SH3RF1: variants seen among roughly 807,000 people sequenced by gnomAD.
The protein encoded by SH3RF1 is SH3 domain containing ring finger 1, also known as E3 ubiquitin-protein ligase SH3RF1.
A neutral mutation model predicts 74.0 loss-of-function variants in SH3RF1; 32 were observed. That is an observed-to-expected ratio of 0.43 (90% CI 0.33 to 0.58). SH3RF1 has a LOEUF of 0.58. Ranked by LOEUF, SH3RF1 falls within the 20% of genes least tolerant of loss-of-function variation. SH3RF1 has a pLI of 0.05. For missense variants in SH3RF1, 954 were observed against 1,130.9 expected (o/e 0.84, Z 2.24); for synonymous variants, 396 against 439.6 (o/e 0.90, Z 1.24).
At chr4:169,147,927 T>A (rs182471299) in intron 4 of SH3RF1, among the ~76,000 whole-genome samples, 3 of 152,202 alleles carry the variant, frequency 2.0e-5, no homozygotes, top group Admixed American at 6.5e-5. Context: ...AAATTTAGTG[T>A]GTATATAGCA....
chr4:169,115,311 G>A (rs1157190804), intron 10 of SH3RF1, among the ~76,000 whole-genome samples: 2 of 152,230 alleles, frequency 1.3e-5, no homozygotes, highest in African/African-American at 2.4e-5. Context: ...CCGCACAGCA[G>A]GAGGTGAGCT....
chr4:169,246,778 T>A (rs1199964341), intron 2 of SH3RF1, among the ~76,000 whole-genome samples: 2 of 152,246 alleles, frequency 1.3e-5, no homozygotes, highest in Non-Finnish European at 2.9e-5. Flanking sequence ...TCTGATCCAC[T>A]AATGTAAGTC....
intron 2 of SH3RF1, among the ~76,000 whole-genome samples, chr4:169,157,292 C>T (rs1296359393): frequency 6.6e-6 from 1 of 152,216 alleles, no homozygotes. Context: ...TGAACAGTCA[C>T]AGTACCTGCC....
chr4:169,099,480 A>G (rs1351624947), intron 11 of SH3RF1, among the ~76,000 whole-genome samples: 1 of 152,258 alleles, frequency 6.6e-6, no homozygotes, highest in Non-Finnish European at 1.5e-5. Flanking sequence ...TAATGTCAAC[A>G]TGCTAAAAAT....
chr4:169,269,712 T>C (rs1731413238), intron 1 of SH3RF1: 1 of 152,990 alleles, frequency 6.5e-6, no homozygotes. Flanking sequence ...AAATTTACTT[T>C]TATATCCAAC....
intron 4 of SH3RF1, among the ~76,000 whole-genome samples, chr4:169,144,921 G>T (rs975104613): frequency 6.6e-6 from 1 of 152,106 alleles, no homozygotes; most frequent in African/African-American, 2.4e-5. Context: ...AATAGTAGGG[G>T]TAAGAGGAAA....
chr4:169,136,205 T>C (rs1733696451), intron 5 of SH3RF1, 113 bp downstream of exon 5: 1 of 1,154,686 alleles, frequency 8.7e-7, no homozygotes, highest in Non-Finnish European at 1.1e-6. Context: ...GAAAAGTTAC[T>C]ATCTTCAGAA....
At chr4:169,239,991 T>A (rs1023202936) in intron 2 of SH3RF1, among the ~76,000 whole-genome samples, 2 of 152,058 alleles carry the variant, frequency 1.3e-5, no homozygotes, top group African/African-American at 4.8e-5. Flanking sequence ...GCCACTTTAC[T>A]CCAGCCTGGG....
rs1218253492 is a variant in SH3RF1 at position 169,155,633 on chromosome 4, T to C, written c.670-58A>G. The C allele has an allele frequency of 3.9e-6, 5 of 1,279,854 alleles. No homozygotes were observed. The Admixed American group carries it at 9.1e-5, about 23-fold the overall frequency. 79.3% of individuals were successfully genotyped at this position (1,279,854 alleles called of 1,614,324 possible). ...TCATTAAGCTGTACCATTAAGCTTG[T>C]CATTTAATTTTCCTTTTCAATAAAG... On this transcript the variant is annotated intron_variant, in intron 3 of 11. Transcript: ENST00000284637.
At chr4:169,135,600 C>G (rs1579100134) in intron 5 of SH3RF1, among the ~76,000 whole-genome samples, 2 of 152,160 alleles carry the variant, frequency 1.3e-5, no homozygotes, top group African/African-American at 2.4e-5. Context: ...AAGCCTAACA[C>G]AGCAAATTGC....
At chr4:169,248,877 C>T (rs1226242165) in intron 2 of SH3RF1, among the ~76,000 whole-genome samples, 2 of 152,158 alleles carry the variant, frequency 1.3e-5, no homozygotes, top group Non-Finnish European at 2.9e-5. Context: ...GTTTGAATGG[C>T]TCCGCTCCAA....
At chr4:169,206,243 A>G (rs372950867) in intron 2 of SH3RF1, among the ~76,000 whole-genome samples, 1 of 152,254 alleles carries the variant, frequency 6.6e-6, no homozygotes, top group Admixed American at 6.5e-5. Flanking sequence ...TTTGAAAATG[A>G]TATCTTAGCA....
intron 2 of SH3RF1, among the ~76,000 whole-genome samples, chr4:169,167,663 G>A (rs1272524160): frequency 6.6e-6 from 1 of 152,130 alleles, no homozygotes; most frequent in Non-Finnish European, 1.5e-5. Flanking sequence ...AAAAACAGGT[G>A]AAACGAATCT....
intron 2 of SH3RF1, among the ~76,000 whole-genome samples, chr4:169,182,449 T>C (rs1001067208): frequency 6.6e-6 from 1 of 152,226 alleles, no homozygotes; most frequent in Non-Finnish European, 1.5e-5. Context: ...CTTAATTTCT[T>C]AATTGCCTAG....
intron 2 of SH3RF1, among the ~76,000 whole-genome samples, chr4:169,238,494 T>G (rs867301620): frequency 6.4e-4 from 97 of 152,348 alleles, no homozygotes; most frequent in African/African-American, 2.3e-3. Context: ...TTATACATCT[T>G]GTCCTGATAG....
intron 2 of SH3RF1, among the ~76,000 whole-genome samples, chr4:169,170,932 T>C (rs995920349): frequency 1.3e-5 from 2 of 152,102 alleles, no homozygotes; most frequent in African/African-American, 4.8e-5. Context: ...AAAGTGACAA[T>C]AAGGAGAACT....
At chr4:169,183,114 T>TC (rs1579124447) in intron 2 of SH3RF1, among the ~76,000 whole-genome samples, 2 of 152,168 alleles carry the variant, frequency 1.3e-5, no homozygotes, top group East Asian at 3.9e-4. Flanking sequence ...GAGACCAGCC[T>TC]CGCCAACATG....
chr4:169,195,783 TA>T (rs1734798244), intron 2 of SH3RF1, among the ~76,000 whole-genome samples: 1 of 152,190 alleles, frequency 6.6e-6, no homozygotes, highest in Non-Finnish European at 1.5e-5. Context: ...TGTTGTCTTT[TA>T]TACTCACAAG....
rs185517995 is a variant in SH3RF1, at chr4:169,242,503, T to C, written c.393+26317A>G. On this transcript the variant is annotated intron_variant, in intron 2 of 11. Coordinates refer to ENST00000284637, the MANE Select transcript of SH3RF1 (RefSeq NM_020870.4). Reference sequence around the variant, plus strand: ...TGTGCATAAAAATCTCCTGGGAAACTTGTTTGAAATGAAAATTTCTGGGTC... The same window carrying C: ...TGTGCATAAAAATCTCCTGGGAAACCTGTTTGAAATGAAAATTTCTGGGTC... Among the ~76,000 whole-genome samples the C allele has an allele frequency of 6.1e-3, 928 of 152,334 alleles. 6 individuals are homozygous for C. The highest frequency in any genetic ancestry group is 7.7e-3 in the Non-Finnish European group (525 of 68,030).
Sources: allele counts gnomAD v4.1 joint callset (sites outside exome capture counted in the v4.1 genomes callset), GRCh38; gene constraint gnomAD v4.1.1; transcripts MANE v1.5; gene names NCBI Gene and HGNC (gene_info 2026-07-23, HGNC 2026-07-21).